Variants in CTNNA2 observed in about 807,000 individuals in gnomAD.
CTNNA2 encodes the protein catenin alpha 2, also known as catenin alpha-2.
Under a neutral mutation model 101.0 loss-of-function variants are expected in CTNNA2, and 42 were observed. The ratio of observed to expected loss-of-function variants is 0.42; its 90% CI spans 0.32 to 0.54. The LOEUF is 0.54. CTNNA2 is among the 20% of genes least tolerant of loss of function. The pLI, the probability that CTNNA2 is intolerant of heterozygous loss-of-function variation, is 0.14. For synonymous variants in CTNNA2, 450 were observed against 456.4 expected (o/e 0.99, Z 0.18); for missense variants, 871 against 1,223.1 (o/e 0.71, Z 4.29).
At chr2:79,327,564 A>G (rs17016879) in intron 3 of CTNNA2, among the ~76,000 whole-genome samples, 29,453 of 152,198 alleles carry the variant, frequency 0.19, 3,069 homozygotes, top group Middle Eastern at 0.28. Context: ...CTTTATGGTC[A>G]TAACAAAGGA....
chr2:80,606,474 A>G (rs1171548041), intron 16 of CTNNA2, among the ~76,000 whole-genome samples: 4 of 151,636 alleles, frequency 2.6e-5, no homozygotes, highest in Non-Finnish European at 4.4e-5. Context: ...ACTATTTCAC[A>G]GTGACTCAAA....
intron 7 of CTNNA2, among the ~76,000 whole-genome samples, chr2:80,137,556 A>G (rs1162301412): frequency 1.3e-5 from 2 of 152,110 alleles, no homozygotes; most frequent in African/African-American, 2.4e-5. Flanking sequence ...CTTTGAAGAA[A>G]TGGGACTTTG....
intron 1 of CTNNA2, among the ~76,000 whole-genome samples, chr2:79,188,565 G>A (rs149886081): frequency 1.3e-5 from 2 of 152,210 alleles, no homozygotes; most frequent in Admixed American, 1.3e-4. Flanking sequence ...TGAGGCAAAT[G>A]TGAGGTACAG....
chr2:80,329,310 T>G (rs113891176), intron 7 of CTNNA2, among the ~76,000 whole-genome samples: 1 of 152,204 alleles, frequency 6.6e-6, no homozygotes, highest in African/African-American at 2.4e-5. Flanking sequence ...GGAAACAAGA[T>G]GTCTGTTATA....
chr2:79,607,680 G>T (rs148756059), intron 1 of CTNNA2, among the ~76,000 whole-genome samples: 1 of 152,096 alleles, frequency 6.6e-6, no homozygotes, highest in Admixed American at 6.5e-5. Flanking sequence ...GTGTGCCAAA[G>T]AACAACTCTA....
intron 3 of CTNNA2, among the ~76,000 whole-genome samples, chr2:79,839,919 A>AT (rs920501106): frequency 6.6e-6 from 1 of 152,030 alleles, no homozygotes; most frequent in Non-Finnish European, 1.5e-5. Flanking sequence ...CTGTATACTA[A>AT]TTTTTTTATG....
chr2:79,671,231 T>C (rs1682815581), intron 2 of CTNNA2, among the ~76,000 whole-genome samples: 2 of 151,322 alleles, frequency 1.3e-5, no homozygotes, highest in Non-Finnish European at 2.9e-5. Context: ...GAGAAAGAAA[T>C]GCTACAGTAA....
chr2:79,900,804 G>A (rs1685021150), intron 6 of CTNNA2, among the ~76,000 whole-genome samples: 1 of 152,030 alleles, frequency 6.6e-6, no homozygotes, highest in Non-Finnish European at 1.5e-5. Context: ...GAGTATAATG[G>A]GAATGTTTGT....
intron 2 of CTNNA2, among the ~76,000 whole-genome samples, chr2:79,218,355 T>A (rs1293049547): frequency 1.6e-5 from 1 of 64,072 alleles, no homozygotes; most frequent in African/African-American, 4.3e-5. Flanking sequence ...GTGTGTATTT[T>A]TTTTTTTTTT....
chr2:80,593,492 T>C (rs1257306545), intron 15 of CTNNA2, among the ~76,000 whole-genome samples: 1 of 152,176 alleles, frequency 6.6e-6, no homozygotes, highest in African/African-American at 2.4e-5. Context: ...AAATTGTTTT[T>C]CTATTATGGT....
intron 7 of CTNNA2, among the ~76,000 whole-genome samples, chr2:79,951,765 T>C (rs1037296623): frequency 3.0e-4 from 45 of 152,228 alleles, no homozygotes; most frequent in African/African-American, 1.0e-3. Flanking sequence ...CAAACTATCC[T>C]ACCCACAACT....
chr2:79,441,424 T>A (rs1678776622), intron 4 of CTNNA2, among the ~76,000 whole-genome samples: 1 of 152,134 alleles, frequency 6.6e-6, no homozygotes, highest in Non-Finnish European at 1.5e-5. Flanking sequence ...CTCCTCTCTG[T>A]CTCCACCATA....
intron 1 of CTNNA2, among the ~76,000 whole-genome samples, chr2:79,641,345 G>A (rs966493808): frequency 1.3e-5 from 2 of 152,174 alleles, no homozygotes; most frequent in Non-Finnish European, 2.9e-5. Flanking sequence ...TATTGCACAA[G>A]AAATTCTAAT....
At chr2:80,215,458 G>C (rs1292417994) in intron 7 of CTNNA2, among the ~76,000 whole-genome samples, 1 of 152,170 alleles carries the variant, frequency 6.6e-6, no homozygotes. Context: ...TGTCCTTTCT[G>C]TTTGTTAGTT....
intron 3 of CTNNA2, among the ~76,000 whole-genome samples, chr2:79,810,743 T>A (rs187261854): frequency 6.6e-6 from 1 of 151,846 alleles, no homozygotes; most frequent in Admixed American, 6.6e-5. Context: ...TGTTCTCATT[T>A]TTCAATTCCC....
chr2:80,009,755 A>T (rs2861964), intron 7 of CTNNA2, among the ~76,000 whole-genome samples: 79,541 of 147,138 alleles, frequency 0.54, 23,530 homozygotes, highest in East Asian at 0.75. Flanking sequence ...TGTGTGTCAG[A>T]GAGAGAGACA....
chr2:79,846,783 A>G (rs976738302), intron 3 of CTNNA2, among the ~76,000 whole-genome samples: 1 of 150,030 alleles, frequency 6.7e-6, no homozygotes, highest in Admixed American at 6.6e-5. Flanking sequence ...AGTTCCACCA[A>G]TGAGCTCACA....
chr2:80,236,834 G>T (rs1219726789), intron 7 of CTNNA2, among the ~76,000 whole-genome samples: 1 of 152,150 alleles, frequency 6.6e-6, no homozygotes, highest in East Asian at 1.9e-4. Context: ...CACAATGGTG[G>T]TAGGCTTCTC....
At chr2:80,046,577 T>C (rs1696540625) in intron 7 of CTNNA2, among the ~76,000 whole-genome samples, 1 of 152,090 alleles carries the variant, frequency 6.6e-6, no homozygotes, top group Non-Finnish European at 1.5e-5. Context: ...ATATCTTAAT[T>C]GGAAACCCAT....
Sources: gnomAD v4.1 joint callset for allele counts (sites outside exome capture counted in the v4.1 genomes callset) on GRCh38, gnomAD v4.1.1 for gene constraint, MANE v1.5 for transcripts, NCBI Gene and HGNC (gene_info 2026-07-23, HGNC 2026-07-21) for gene names.